The following CWH43 variants were observed in gnomAD, a reference collection of about 807,000 sequenced individuals.
CWH43 encodes PGAP2-interacting protein.
CWH43 carries 91 observed loss-of-function variants against 85.7 expected under a neutral mutation model. That is an observed-to-expected ratio of 1.06 (90% CI 0.90 to 1.26). CWH43 has a LOEUF of 1.26. Ranked by LOEUF, CWH43 falls within the 50% of genes most tolerant of loss-of-function variation. CWH43 has a pLI of 0.00. For synonymous variants in CWH43, 323 were observed against 293.6 expected, an observed-to-expected ratio of 1.10 and a Z score of -1.02; for missense variants, 869 against 839.2, an observed-to-expected ratio of 1.04 and a Z score of -0.44.
intron 5 of CWH43, 148 bp downstream of exon 5, chr4:48,994,968 G>A (rs759252470): frequency 1.9e-5 from 14 of 756,128 alleles, no homozygotes; most frequent in Non-Finnish European, 3.0e-5. Context: ...ATTATTGTGT[G>A]CTCTGGAGAG....
At chr4:49,047,809 C>A (rs1462956032) in intron 14 of CWH43, among the ~76,000 whole-genome samples, 1 of 152,076 alleles carries the variant, frequency 6.6e-6, no homozygotes, top group African/African-American at 2.4e-5. Context: ...AAAATAGTGA[C>A]CTTACTCGTT....
intron 13 of CWH43, among the ~76,000 whole-genome samples, chr4:49,041,912 C>T: frequency 6.6e-6 from 1 of 152,160 alleles, no homozygotes; most frequent in Non-Finnish European, 1.5e-5. Context: ...CCATACTTTG[C>T]TGTACAGAAA....
intron 14 of CWH43, among the ~76,000 whole-genome samples, chr4:49,049,652 G>A (rs1255775364): frequency 2.6e-5 from 4 of 152,100 alleles, no homozygotes; most frequent in Admixed American, 1.3e-4. Flanking sequence ...GAGTTGGCCC[G>A]CAAAACACCA....
Position 49,005,550 on chromosome 4 carries a change from GT to G in CWH43, c.1060+1570del, listed in dbSNP as rs1294202525. 2.3e-3 allele frequency among the ~76,000 whole-genome samples: 315 copies of G among 137,598 alleles called. 4 individuals are homozygous for G. Among genetic ancestry groups the G allele is most frequent in the East Asian group, 0.019 (89 of 4,702 alleles). The allele number at this position is 137,598 out of a possible 152,430, so 90.3% of individuals were successfully genotyped here. On this transcript the variant is annotated intron_variant, in intron 7 of 15. Transcript: ENST00000226432. The stretch of plus-strand genomic sequence containing the variant: ...AAGTGAAGGCTTCTATTAGGGTTCT[GT>G]TTTTTTTTTTTCTTTTTTTTTTTTT...
At chr4:49,048,344 A>G (rs965170690) in intron 14 of CWH43, among the ~76,000 whole-genome samples, 2 of 149,640 alleles carry the variant, frequency 1.3e-5, no homozygotes, top group Non-Finnish European at 3.0e-5. Flanking sequence ...CTCTGTGTGT[A>G]TATATATATA....
chr4:49,026,587 C>A (rs763728395), intron 9 of CWH43, among the ~76,000 whole-genome samples: 8 of 152,006 alleles, frequency 5.3e-5, no homozygotes, highest in Non-Finnish European at 8.8e-5. Flanking sequence ...TAACTCATGC[C>A]TTTGCATCCT....
Position 49,030,818 on chromosome 4 carries a change from TGAAC to T in CWH43, c.1373-6_1373-3del. On this transcript the variant is annotated splice_region_variant and splice_polypyrimidine_tract_variant and intron_variant, in intron 10 of 15. Coordinates refer to ENST00000226432, the MANE Select transcript of CWH43 (RefSeq NM_025087.3). ...TCACTGTATGCTACTTTTTTTTTTCTGAACAGGTGCAGATTTCATAACAATTTTG... is the reference window on the plus strand; with the variant it reads ...TCACTGTATGCTACTTTTTTTTTTCTAGGTGCAGATTTCATAACAATTTTG... 2 of 1,557,880 alleles carry T rather than the reference TGAAC, an allele frequency of 1.3e-6. No individual in the cohort carries two copies. Among genetic ancestry groups the T allele is most frequent in the East Asian group, 2.3e-5 (1 of 42,870 alleles).
chr4:49,032,522 T>C, intron 11 of CWH43, 44 bp from the exon 12 acceptor site: 7 of 1,609,902 alleles, frequency 4.3e-6, no homozygotes, highest in Non-Finnish European at 5.1e-6. Context: ...CATGGTAGAA[T>C]GGGACTGACA....
At chr4:49,005,556 TTTTTTTC>T (rs1232854986) in intron 7 of CWH43, among the ~76,000 whole-genome samples, 28 of 151,308 alleles carry the variant, frequency 1.9e-4, no homozygotes, top group African/African-American at 6.6e-4. Context: ...TTCTGTTTTT[TTTTTTTC>T]TTTTTTTTTT....
chr4:49,044,724 G>C (rs569531047), intron 13 of CWH43, 62 bp from the exon 14 acceptor site: 20 of 1,297,046 alleles, frequency 1.5e-5, no homozygotes, highest in Non-Finnish European at 2.2e-5. Context: ...ACATTTTTTG[G>C]CAATGTGGAA....
At chr4:49,053,995 T>C (rs1784878418) in intron 15 of CWH43, among the ~76,000 whole-genome samples, 1 of 152,238 alleles carries the variant, frequency 6.6e-6, no homozygotes, top group African/African-American at 2.4e-5. Flanking sequence ...TTTTCTTTGC[T>C]ATATAGAAGC....
At chr4:49,028,600 C>T in intron 9 of CWH43, 29 bp from the exon 10 acceptor site, 1 of 1,544,202 alleles carries the variant, frequency 6.5e-7, no homozygotes, top group Non-Finnish European at 8.9e-7. Flanking sequence ...TCACAGTCAT[C>T]CTAAACTACC....
chr4:49,032,828 A>G, intron 12 of CWH43, 113 bp downstream of exon 12: 1 of 1,314,316 alleles, frequency 7.6e-7, no homozygotes, highest in South Asian at 1.3e-5. Context: ...TACCTCCCAA[A>G]GTATTTCTCC....
Position 48,994,716 on chromosome 4 carries a change from T to A in CWH43, c.609T>A (p.Gly203=). 3 of 1,614,208 alleles carry A rather than the reference T, an allele frequency of 1.9e-6. No individual in the cohort carries two copies. The highest frequency in any genetic ancestry group is 2.5e-6 in the Non-Finnish European group (3 of 1,180,032). The change falls in exon 5 of 16, where the codon GGT becomes GGA. Residue 203 remains glycine, a synonymous_variant. Transcript: ENST00000226432. ...GGCTGCTGGCAGGGGCTGCTTTTGG[T>A]AGCCTTGTGTTCCTCACCCACTGGG... is the stretch of plus-strand genomic sequence containing the variant. ...PNWLLAGAAF[G]SLVFLTHWVF...
In CWH43 at chr4:49,017,313, A is replaced by G; in HGVS notation, c.1251A>G (p.Arg417=). ...GLGLRHKAYE[R]KLGKVAPTKE... is the part of the protein sequence containing the mutation. ...GACTACGGCATAAAGCCTATGAGAG[A>G]AAACTGGGCAAAGTGGTAAGTAATT... The change falls in exon 9 of 16, where the codon AGA becomes AGG. Residue 417 remains arginine (R), a synonymous_variant. Transcript: ENST00000226432. 1 of 1,609,108 alleles carries G rather than the reference A, an allele frequency of 6.2e-7. No homozygotes were observed. Among genetic ancestry groups the G allele is most frequent in the Non-Finnish European group, 8.5e-7 (1 of 1,176,744 alleles).
At chr4:49,037,561 C>G (rs1038013063) in intron 12 of CWH43, among the ~76,000 whole-genome samples, 16 of 124,418 alleles carry the variant, frequency 1.3e-4, no homozygotes, top group Non-Finnish European at 2.2e-4. Context: ...CAGTGTGAGA[C>G]TCTGTCTCAA....
intron 9 of CWH43, among the ~76,000 whole-genome samples, chr4:49,019,859 C>T (rs557699538): frequency 2.0e-5 from 3 of 152,202 alleles, no homozygotes; most frequent in Non-Finnish European, 2.9e-5. Context: ...GGATTACAGA[C>T]GTGAGCCACC....
At chr4:49,045,747 G>T (rs368264251) in intron 14 of CWH43, among the ~76,000 whole-genome samples, 3 of 151,610 alleles carry the variant, frequency 2.0e-5, no homozygotes, top group African/African-American at 7.3e-5. Context: ...TTTTTAAATC[G>T]ACACATAATA....
intron 15 of CWH43, among the ~76,000 whole-genome samples, chr4:49,060,168 C>T (rs1366628755): frequency 6.6e-6 from 1 of 152,000 alleles, no homozygotes; most frequent in East Asian, 1.9e-4. Flanking sequence ...TAAGGGGTGG[C>T]CTGGAGCTGG....
Sources: allele counts gnomAD v4.1 joint callset (sites outside exome capture counted in the v4.1 genomes callset), GRCh38; gene constraint gnomAD v4.1.1; transcripts MANE v1.5; gene names NCBI Gene and HGNC (gene_info 2026-07-23, HGNC 2026-07-21).